The following EBF1 variants were observed in gnomAD, a reference collection of about 807,000 sequenced individuals.
EBF1 encodes EBF transcription factor 1, also known as transcription factor COE1.
Under a neutral mutation model 68.4 loss-of-function variants are expected in EBF1, and 10 were observed. That is an observed-to-expected ratio of 0.15 (90% CI 0.09 to 0.25). The LOEUF is 0.25. EBF1 is among the 10% of genes least tolerant of loss of function. EBF1 has a pLI of 1.00. For missense variants in EBF1, 509 were observed against 794.4 expected (o/e 0.64, Z 4.32); for synonymous variants, 298 against 299.8 (o/e 0.99, Z 0.06).
chr5:159,032,902 G>C (rs544226322), intron 6 of EBF1, among the ~76,000 whole-genome samples: 1 of 151,958 alleles, frequency 6.6e-6, no homozygotes, highest in Non-Finnish European at 1.5e-5. Flanking sequence ...ACAGAGAGAA[G>C]GGAGGGGAAG....
At chr5:158,981,376 A>G (rs933849336) in intron 6 of EBF1, among the ~76,000 whole-genome samples, 1 of 152,198 alleles carries the variant, frequency 6.6e-6, no homozygotes, top group Non-Finnish European at 1.5e-5. Context: ...GCTTTTTTAT[A>G]AAGTTATGAA....
At chr5:158,724,152 A>G (rs1217089017) in intron 11 of EBF1, among the ~76,000 whole-genome samples, 1 of 152,186 alleles carries the variant, frequency 6.6e-6, no homozygotes, top group Non-Finnish European at 1.5e-5. Flanking sequence ...GTTTTTGACA[A>G]GAGAATGCAG....
chr5:159,072,085 T>C (rs1029141492), intron 6 of EBF1, among the ~76,000 whole-genome samples: 1 of 152,226 alleles, frequency 6.6e-6, no homozygotes, highest in African/African-American at 2.4e-5. Context: ...CCTAATTCTA[T>C]AGGTAGCACA....
At chr5:159,096,432 A>G (rs1221370460) in intron 2 of EBF1, 26 bp from the exon 3 acceptor site, 3 of 1,610,868 alleles carry the variant, frequency 1.9e-6, no homozygotes, top group African/African-American at 1.3e-5. Flanking sequence ...ACGCAAAGAC[A>G]CAAGAGATGC....
chr5:158,764,392 G>A (rs115159963), intron 10 of EBF1, among the ~76,000 whole-genome samples: 3,368 of 152,190 alleles, frequency 0.022, 138 homozygotes, highest in African/African-American at 0.077. Context: ...TCAACAACTT[G>A]GACAACTAGA....
At chr5:158,815,089 G>C (rs1362623429) in intron 8 of EBF1, among the ~76,000 whole-genome samples, 3 of 152,174 alleles carry the variant, frequency 2.0e-5, no homozygotes, top group Admixed American at 2.0e-4. Context: ...TAATGTAACA[G>C]AGCAGTAGAT....
At chr5:158,783,153 T>A (rs1055796031) in intron 9 of EBF1, among the ~76,000 whole-genome samples, 2 of 152,210 alleles carry the variant, frequency 1.3e-5, no homozygotes, top group African/African-American at 4.8e-5. Context: ...TGCCTCTTCC[T>A]CCTATGTGTA....
intron 6 of EBF1, among the ~76,000 whole-genome samples, chr5:159,023,976 A>C (rs1206555125): frequency 6.6e-6 from 1 of 152,194 alleles, no homozygotes; most frequent in Non-Finnish European, 1.5e-5. Flanking sequence ...TTGGAATAAA[A>C]GTTCTTTCTT....
chr5:159,064,635 G>A (rs1776441821), intron 6 of EBF1, among the ~76,000 whole-genome samples: 1 of 152,202 alleles, frequency 6.6e-6, no homozygotes. Context: ...CCAGGATTCA[G>A]ATGCTGGTCT....
At chr5:159,073,491 G>T in intron 5 of EBF1, 27 bp from the exon 6 acceptor site, 11 of 1,613,298 alleles carry the variant, frequency 6.8e-6, no homozygotes, top group Non-Finnish European at 9.3e-6. Flanking sequence ...AAAGGATTTA[G>T]TACAACCATT....
chr5:158,945,655 G>T lies in EBF1; in HGVS notation c.555-105545C>A, dbSNP rs369015704. Among the ~76,000 whole-genome samples, 6 of 152,136 alleles carry T rather than the reference G, an allele frequency of 3.9e-5. No individual in the cohort carries two copies. The East Asian group carries it at 1.2e-3, about 29-fold the overall frequency. ...GAATCTGACAATTATGTGTCTTGGG[G>T]CTGCTCTTCTCAAGGAGTATCTTTG... On this transcript the variant is annotated intron_variant, in intron 6 of 15. Coordinates refer to ENST00000313708, the MANE Select transcript of EBF1 (RefSeq NM_024007.5).
At chr5:158,924,840 G>C (rs549740576) in intron 6 of EBF1, among the ~76,000 whole-genome samples, 43 of 121,590 alleles carry the variant, frequency 3.5e-4, no homozygotes, top group Non-Finnish European at 6.2e-4. Context: ...GCAACAGAGC[G>C]AGACTCTGTC....
At chr5:158,776,309 C>T (rs534012168) in intron 10 of EBF1, among the ~76,000 whole-genome samples, 4 of 148,074 alleles carry the variant, frequency 2.7e-5, no homozygotes, top group Non-Finnish European at 6.0e-5. Context: ...TTTATAATTT[C>T]GAGAGAGAGA....
chr5:159,069,005 G>C (rs1347017431), intron 6 of EBF1, among the ~76,000 whole-genome samples: 2 of 152,006 alleles, frequency 1.3e-5, no homozygotes, highest in South Asian at 4.1e-4. Context: ...TGGTAATTCT[G>C]TTAATATTAC....
chr5:158,881,064 C>G (rs1798806001), intron 6 of EBF1, among the ~76,000 whole-genome samples: 1 of 152,102 alleles, frequency 6.6e-6, no homozygotes, highest in Admixed American at 6.5e-5. Context: ...CAGTCACAGA[C>G]TGGGAATAAA....
At chr5:158,900,819 A>G (rs1369043639) in intron 6 of EBF1, among the ~76,000 whole-genome samples, 2 of 152,240 alleles carry the variant, frequency 1.3e-5, no homozygotes, top group African/African-American at 4.8e-5. Flanking sequence ...AGAGGAAAGT[A>G]AAGTGGAAAT....
chr5:158,873,641 A>G (rs183979548), intron 6 of EBF1, among the ~76,000 whole-genome samples: 21 of 152,332 alleles, frequency 1.4e-4, no homozygotes, highest in Admixed American at 1.3e-3. Context: ...AATTTACTAA[A>G]TTTTGGCTAG....
intron 6 of EBF1, among the ~76,000 whole-genome samples, chr5:159,000,660 T>C (rs772624646): frequency 7.9e-5 from 12 of 152,176 alleles, no homozygotes; most frequent in Non-Finnish European, 1.3e-4. Flanking sequence ...AACTATGAGA[T>C]TGGCAGCTCT....
chr5:158,961,781 A>C (rs1351495328), intron 6 of EBF1, among the ~76,000 whole-genome samples: 1 of 152,228 alleles, frequency 6.6e-6, no homozygotes, highest in Non-Finnish European at 1.5e-5. Flanking sequence ...CCACTAAGTA[A>C]AACTCCGACC....
Sources: allele counts gnomAD v4.1 joint callset (sites outside exome capture counted in the v4.1 genomes callset), GRCh38; gene constraint gnomAD v4.1.1; transcripts MANE v1.5; gene names NCBI Gene and HGNC (gene_info 2026-07-23, HGNC 2026-07-21).